LTBP1: variants seen among roughly 807,000 people sequenced by gnomAD.
LTBP1 encodes the protein latent-transforming growth factor beta-binding protein 1.
In LTBP1, 129 loss-of-function variants were observed where a neutral mutation model predicts 207.6. The observed-to-expected ratio is 0.62, with a 90% CI of 0.54 to 0.72. The LOEUF (loss-of-function observed/expected upper bound fraction) is 0.72. Among genes scored for constraint, LTBP1 ranks in the 30% least tolerant of loss-of-function variants. The pLI, the probability that LTBP1 is intolerant of heterozygous loss-of-function variation, is 0.00. For missense variants in LTBP1, 2,281 were observed against 2,217.2 expected (o/e 1.03, Z -0.58); for synonymous variants, 963 against 833.7 (o/e 1.16, Z -2.67).
chr2:32,994,718 C>T (rs529317269), intron 2 of LTBP1, among the ~76,000 whole-genome samples: 5 of 152,298 alleles, frequency 3.3e-5, no homozygotes, highest in African/African-American at 9.6e-5. Flanking sequence ...CCACCCACCT[C>T]GCCCTCCCAA....
At chr2:33,115,083 A>G (rs939416289) in intron 4 of LTBP1, among the ~76,000 whole-genome samples, 30 of 142,660 alleles carry the variant, frequency 2.1e-4, no homozygotes, top group African/African-American at 7.7e-4. Flanking sequence ...CGTATACACA[A>G]ATATATATAC....
chr2:33,272,352 T>A (rs6739808), intron 15 of LTBP1, among the ~76,000 whole-genome samples: 282 of 152,292 alleles, frequency 1.9e-3, no homozygotes, highest in African/African-American at 6.5e-3. Context: ...TGCTCCTAGG[T>A]TGTCATGCTC....
intron 4 of LTBP1, among the ~76,000 whole-genome samples, chr2:33,121,505 C>T (rs1364479220): frequency 2.0e-5 from 3 of 152,092 alleles, no homozygotes; most frequent in African/African-American, 7.2e-5. Context: ...GAAGCACAGG[C>T]ACCCACCAGC....
intron 5 of LTBP1, among the ~76,000 whole-genome samples, chr2:33,140,815 C>T (rs184718843): frequency 0.014 from 2,151 of 152,074 alleles, 24 homozygotes; most frequent in Middle Eastern, 0.024. Flanking sequence ...TTACAGGCAC[C>T]TGCCACCATG....
chr2:32,966,323 T>G (rs1680002072), intron 2 of LTBP1, among the ~76,000 whole-genome samples: 1 of 152,198 alleles, frequency 6.6e-6, no homozygotes, highest in South Asian at 2.1e-4. Context: ...GAAGTTTTTT[T>G]ATTTTAATGA....
chr2:33,313,888 G>T (rs1044374504), intron 23 of LTBP1, among the ~76,000 whole-genome samples: 1 of 152,142 alleles, frequency 6.6e-6, no homozygotes, highest in Non-Finnish European at 1.5e-5. Context: ...CAACAATTAG[G>T]CAGTTGCATG....
intron 9 of LTBP1, among the ~76,000 whole-genome samples, chr2:33,234,429 TAGAC>T (rs1398564386): frequency 8.6e-5 from 13 of 151,944 alleles, no homozygotes; most frequent in African/African-American, 2.9e-4. Context: ...ACACCAATAA[TAGAC>T]AGACAGAGAG....
chr2:33,209,244 G>T (rs1410917650), intron 7 of LTBP1, among the ~76,000 whole-genome samples: 2 of 152,102 alleles, frequency 1.3e-5, no homozygotes, highest in Non-Finnish European at 2.9e-5. Flanking sequence ...AGAAACCATT[G>T]CTATCTAAAC....
chr2:33,384,654 G>T (rs536888662), intron 31 of LTBP1, among the ~76,000 whole-genome samples: 48 of 152,350 alleles, frequency 3.2e-4, no homozygotes, highest in African/African-American at 1.1e-3. Flanking sequence ...CAGAAAATGT[G>T]TTCATCTCCA....
rs181769065 is a variant in LTBP1 at position 33,352,188 on chromosome 2, G to A, written c.4000+4678G>A. Among the ~76,000 whole-genome samples, 28 of 152,168 alleles carry A rather than the reference G, an allele frequency of 1.8e-4. 1 individual carries two copies. In the East Asian group the frequency reaches 4.8e-3, roughly 26 times the overall value. ...GCTCTGTCACCCAGGCTGGAGTGCA[G>A]TGGCGTGATCTTGGCTCACTGCAAC... On this transcript the variant is annotated intron_variant, in intron 26 of 33. Coordinates refer to ENST00000404816, the MANE Select transcript of LTBP1 (RefSeq NM_206943.4).
chr2:33,234,362 C>T (rs188534998), intron 9 of LTBP1, among the ~76,000 whole-genome samples: 2 of 152,046 alleles, frequency 1.3e-5, no homozygotes. Flanking sequence ...AAAGATGAAA[C>T]TTAGACGAGA....
intron 2 of LTBP1, among the ~76,000 whole-genome samples, chr2:33,017,608 G>T (rs1408680950): frequency 6.6e-6 from 1 of 151,692 alleles, no homozygotes; most frequent in Non-Finnish European, 1.5e-5. Flanking sequence ...GACATGAGTT[G>T]TTTTGTTTTG....
At chr2:32,962,692 T>C (rs1679319403) in intron 2 of LTBP1, among the ~76,000 whole-genome samples, 1 of 152,264 alleles carries the variant, frequency 6.6e-6, no homozygotes, top group South Asian at 2.1e-4. Context: ...TGTTAAAGGC[T>C]CTTTTCTCTG....
intron 5 of LTBP1, among the ~76,000 whole-genome samples, chr2:33,158,159 AAAAAAAGAG>A: frequency 7.2e-6 from 1 of 139,404 alleles, no homozygotes; most frequent in Non-Finnish European, 1.7e-5. Context: ...AAAAAAAAAA[AAAAAAAGAG>A]AGAGAGAGAG....
intron 3 of LTBP1, among the ~76,000 whole-genome samples, chr2:33,096,714 T>G (rs186076735): frequency 6.6e-6 from 1 of 152,092 alleles, no homozygotes; most frequent in African/African-American, 2.4e-5. Context: ...TGGAAAGGAA[T>G]TGGTGGTGAT....
chr2:33,206,238 A>C (rs1292527438), intron 7 of LTBP1, among the ~76,000 whole-genome samples: 1 of 152,168 alleles, frequency 6.6e-6, no homozygotes, highest in Non-Finnish European at 1.5e-5. Flanking sequence ...GTTTTTCTAC[A>C]TGACTTGCAA....
At chr2:33,316,382 C>G (rs138486443) in intron 24 of LTBP1, among the ~76,000 whole-genome samples, 102 of 152,324 alleles carry the variant, frequency 6.7e-4, no homozygotes, top group African/African-American at 2.4e-3. Context: ...ATCTGCTCTC[C>G]TTGCTAGTAC....
intron 11 of LTBP1, among the ~76,000 whole-genome samples, chr2:33,256,677 A>G (rs2092861168): frequency 8.0e-6 from 1 of 125,458 alleles, no homozygotes; most frequent in Non-Finnish European, 1.7e-5. Context: ...AATATGATAT[A>G]TAGTATTTTC....
chr2:33,286,271 C>T (rs966353042), intron 19 of LTBP1, among the ~76,000 whole-genome samples: 2 of 152,198 alleles, frequency 1.3e-5, no homozygotes, highest in Non-Finnish European at 2.9e-5. Context: ...AATTTAGTAT[C>T]ATTCAGTCTA....
Sources: allele counts gnomAD v4.1 joint callset (sites outside exome capture counted in the v4.1 genomes callset), GRCh38; gene constraint gnomAD v4.1.1; transcripts MANE v1.5; gene names NCBI Gene and HGNC (gene_info 2026-07-23, HGNC 2026-07-21).